CUL1: variants seen among roughly 807,000 people sequenced by gnomAD.
The protein encoded by CUL1 is cullin-1.
In CUL1, 24 loss-of-function variants were observed where a neutral mutation model predicts 118.0. The ratio of observed to expected loss-of-function variants is 0.20; its 90% CI spans 0.15 to 0.29. CUL1 has a LOEUF of 0.29. CUL1 is among the 10% of genes least tolerant of loss of function. The probability of loss-of-function intolerance (pLI) is 1.00; values close to 1 mark genes in which losing one functional copy is unlikely to be tolerated. For synonymous variants in CUL1, 332 were observed against 340.4 expected, an observed-to-expected ratio of 0.98 and a Z score of 0.27; for missense variants, 361 against 933.8, an observed-to-expected ratio of 0.39 and a Z score of 7.99.
chr7:148,790,281 A>T, intron 15 of CUL1, 29 bp from the exon 16 acceptor site: 1 of 1,612,736 alleles, frequency 6.2e-7, no homozygotes, highest in Non-Finnish European at 8.5e-7. Context: ...TGAGATCTGT[A>T]TTCCATATAA....
At chr7:148,703,870 G>A (rs550529469) in intron 1 of CUL1, among the ~76,000 whole-genome samples, 1 of 152,080 alleles carries the variant, frequency 6.6e-6, no homozygotes, top group Non-Finnish European at 1.5e-5. Flanking sequence ...TGTCATTTTA[G>A]GGGGGTAAGC....
intron 17 of CUL1, among the ~76,000 whole-genome samples, chr7:148,794,253 T>C (rs1801110395): frequency 6.6e-6 from 1 of 152,208 alleles, no homozygotes; most frequent in Non-Finnish European, 1.5e-5. Context: ...CTATTTTATC[T>C]ATTTTTTCTT....
chr7:148,749,736 A>T (rs1235026818), intron 2 of CUL1, among the ~76,000 whole-genome samples: 1 of 152,208 alleles, frequency 6.6e-6, no homozygotes, highest in East Asian at 1.9e-4. Flanking sequence ...TAAAATGAAG[A>T]GTTGCATTTC....
At chr7:148,789,940 T>G in intron 15 of CUL1, 114 bp downstream of exon 15, 1 of 975,476 alleles carries the variant, frequency 1.0e-6, no homozygotes, top group Non-Finnish European at 1.6e-6. Flanking sequence ...GCTGGCTGCA[T>G]CACGGTGAAC....
intron 21 of CUL1, 71 bp downstream of exon 21, chr7:148,799,459 T>G: frequency 9.7e-7 from 1 of 1,030,282 alleles, no homozygotes; most frequent in East Asian, 2.5e-5. Flanking sequence ...AAAAAGTGGA[T>G]TGATTGCTGT....
At chr7:148,741,275 A>G (rs1265713921) in intron 2 of CUL1, among the ~76,000 whole-genome samples, 1 of 152,166 alleles carries the variant, frequency 6.6e-6, no homozygotes, top group South Asian at 2.1e-4. Flanking sequence ...TACAAGTGTT[A>G]TTTCTGGGTC....
At chr7:148,709,395 T>C (rs1261537693) in intron 1 of CUL1, among the ~76,000 whole-genome samples, 1 of 152,214 alleles carries the variant, frequency 6.6e-6, no homozygotes, top group Non-Finnish European at 1.5e-5. Flanking sequence ...TTTAGAAAAT[T>C]GAATGAAGTT....
At chr7:148,762,630 T>C (rs1410387086) in intron 7 of CUL1, among the ~76,000 whole-genome samples, 1 of 152,278 alleles carries the variant, frequency 6.6e-6, no homozygotes, top group Admixed American at 6.5e-5. Flanking sequence ...TATGAAACTC[T>C]GCTGTATATG....
intron 19 of CUL1, among the ~76,000 whole-genome samples, 186 bp downstream of exon 19, chr7:148,798,205 C>A (rs375111830): frequency 3.3e-5 from 5 of 152,236 alleles, no homozygotes; most frequent in Non-Finnish European, 7.4e-5. Flanking sequence ...TTCTCCAATT[C>A]TGAGCTTCTG....
At chr7:148,708,314 C>A (rs529903686) in intron 1 of CUL1, among the ~76,000 whole-genome samples, 2 of 152,304 alleles carry the variant, frequency 1.3e-5, no homozygotes, top group South Asian at 4.1e-4. Context: ...AGACCATATC[C>A]GACATCTCTA....
intron 11 of CUL1, among the ~76,000 whole-genome samples, chr7:148,785,117 T>C (rs1251264472): frequency 4.6e-5 from 7 of 152,230 alleles, no homozygotes; most frequent in African/African-American, 7.2e-5. Flanking sequence ...TAACGCAGTT[T>C]ACCCAAGGCC....
intron 2 of CUL1, among the ~76,000 whole-genome samples, chr7:148,746,002 C>T (rs1385985489): frequency 6.6e-6 from 1 of 152,142 alleles, no homozygotes; most frequent in East Asian, 1.9e-4. Context: ...TGATGTTAAA[C>T]TGAGTAGAAA....
At chr7:148,712,361 T>C (rs1284037131) in intron 1 of CUL1, among the ~76,000 whole-genome samples, 1 of 152,224 alleles carries the variant, frequency 6.6e-6, no homozygotes, top group Non-Finnish European at 1.5e-5. Flanking sequence ...AAAATTTAAC[T>C]CTGTCACAGC....
intron 7 of CUL1, among the ~76,000 whole-genome samples, chr7:148,761,814 A>G (rs554720473): frequency 2.6e-5 from 4 of 152,350 alleles, no homozygotes; most frequent in South Asian, 2.1e-4. Context: ...TACTAGGACA[A>G]TGGTCCCCAA....
At chr7:148,778,189 A>G (rs2129461973) in intron 9 of CUL1, among the ~76,000 whole-genome samples, 1 of 151,998 alleles carries the variant, frequency 6.6e-6, no homozygotes, top group East Asian at 1.9e-4. Context: ...CTCCATCTGA[A>G]GAACTGTTGG....
rs1022771783 is a variant in CUL1, at chr7:148,698,935, G to C, written c.-256G>C. 6.5e-6 allele frequency: 1 copy of C among 154,284 alleles called. No individual in the cohort carries two copies. The highest frequency in any genetic ancestry group is 1.4e-5 in the Non-Finnish European group (1 of 69,154). 9.6% of individuals were successfully genotyped at this position (154,284 alleles called of 1,614,324 possible). A position where few individuals can be genotyped will look rare whatever the true frequency, so the allele number is the denominator to read the frequency against. ...GCAGCCCCGGTAGCTGAGGGACGCAGCTAGACCTTGGCGGGACGGGGCTTT... is the reference window on the plus strand; with the variant it reads ...GCAGCCCCGGTAGCTGAGGGACGCACCTAGACCTTGGCGGGACGGGGCTTT... On this transcript the variant is annotated 5_prime_UTR_variant, in exon 1 of 22. Transcript: ENST00000325222.
In CUL1 at chr7:148,730,103, A is replaced by G; in HGVS notation, c.-20A>G. 1 of 1,609,806 alleles carries G rather than the reference A, an allele frequency of 6.2e-7. No homozygotes were observed. The highest frequency in any genetic ancestry group is 8.5e-7 in the Non-Finnish European group (1 of 1,178,216). On this transcript the variant is annotated 5_prime_UTR_variant, in exon 2 of 22. Transcript: ENST00000325222. ...TGAATAAGGATTGCTGCACTGGACG[A>G]CTTTAGAACATCCCTCACAATGTCG...
chr7:148,703,110 G>C (rs1797769648), intron 1 of CUL1, among the ~76,000 whole-genome samples: 1 of 152,184 alleles, frequency 6.6e-6, no homozygotes, highest in Non-Finnish European at 1.5e-5. Context: ...GATGTTCCCT[G>C]AGTGTTTGAC....
intron 1 of CUL1, among the ~76,000 whole-genome samples, chr7:148,702,168 A>G (rs1262984714): frequency 6.6e-6 from 1 of 152,224 alleles, no homozygotes; most frequent in Non-Finnish European, 1.5e-5. Context: ...TTTCCTGTTT[A>G]TAATATGAAG....
Sources: gnomAD v4.1 joint callset for allele counts (sites outside exome capture counted in the v4.1 genomes callset) on GRCh38, gnomAD v4.1.1 for gene constraint, MANE v1.5 for transcripts, NCBI Gene and HGNC (gene_info 2026-07-23, HGNC 2026-07-21) for gene names.